PSME4: variants seen among roughly 807,000 people sequenced by gnomAD.
PSME4 encodes proteasome activator complex subunit 4.
In PSME4, 89 loss-of-function variants were observed where a neutral mutation model predicts 253.9. The observed-to-expected ratio is 0.35, with a 90% CI of 0.30 to 0.42. The LOEUF (loss-of-function observed/expected upper bound fraction) is 0.42. Among genes scored for constraint, PSME4 ranks in the 10% least tolerant of loss-of-function variants. PSME4 has a pLI of 1.00. For synonymous variants in PSME4, 851 were observed against 759.2 expected, an observed-to-expected ratio of 1.12 and a Z score of -1.99; for missense variants, 2,014 against 2,195.2, an observed-to-expected ratio of 0.92 and a Z score of 1.65.
At chr2:53,943,620 C>T (rs1669557839) in intron 3 of PSME4, among the ~76,000 whole-genome samples, 1 of 152,042 alleles carries the variant, frequency 6.6e-6, no homozygotes, top group Non-Finnish European at 1.5e-5. Context: ...GCGGGTGGAT[C>T]ACGTGAGGTC....
rs1678558314 is a variant in PSME4, at chr2:53,866,233, A to G, written c.5398-10T>C. The stretch of plus-strand genomic sequence containing the variant: ...TTTTTTTTACAGTCATCTGTAAAGT[A>G]GACAACCCACATACGTTTTAACCTC... On this transcript the variant is annotated splice_polypyrimidine_tract_variant and intron_variant, in intron 45 of 46. Coordinates refer to ENST00000404125, the MANE Select transcript of PSME4 (RefSeq NM_014614.3). 1 of 1,613,596 alleles carries G rather than the reference A, an allele frequency of 6.2e-7. No individual in the cohort carries two copies. The highest frequency in any genetic ancestry group is 8.5e-7 in the Non-Finnish European group (1 of 1,179,798).
chr2:53,874,248 T>C (rs975553114), intron 43 of PSME4, 91 bp downstream of exon 43: 12 of 1,292,902 alleles, frequency 9.3e-6, no homozygotes, highest in South Asian at 8.4e-5. Context: ...ATATAAACAA[T>C]TGCACCTGGC....
At chr2:53,869,569 A>C in intron 43 of PSME4, 31 bp from the exon 44 acceptor site, 1 of 1,448,244 alleles carries the variant, frequency 6.9e-7, no homozygotes, top group Non-Finnish European at 9.3e-7. Context: ...ATTAGGACTG[A>C]CATTCTAAGT....
intron 1 of PSME4, among the ~76,000 whole-genome samples, chr2:53,957,428 G>A (rs1409746219): frequency 6.6e-6 from 1 of 152,186 alleles, no homozygotes; most frequent in Non-Finnish European, 1.5e-5. Context: ...ATGGGAGACA[G>A]TGACAGATCA....
chr2:53,922,416 C>G (rs1033613175), intron 17 of PSME4, 101 bp downstream of exon 17: 15 of 1,275,034 alleles, frequency 1.2e-5, no homozygotes, highest in Non-Finnish European at 1.7e-5. Context: ...AAAACTCTGA[C>G]TTTTCATATG....
At chr2:53,942,644 T>C (rs375254831) in intron 3 of PSME4, among the ~76,000 whole-genome samples, 2 of 152,290 alleles carry the variant, frequency 1.3e-5, no homozygotes, top group South Asian at 2.1e-4. Flanking sequence ...AGATAAGGTA[T>C]AGAAAGCAGG....
intron 37 of PSME4, among the ~76,000 whole-genome samples, chr2:53,889,682 G>A (rs550620040): frequency 4.6e-5 from 7 of 152,280 alleles, no homozygotes; most frequent in African/African-American, 1.7e-4. Flanking sequence ...CAAAGTACAC[G>A]AGCTATGGAC....
At chr2:53,964,296 A>G (rs1240485938) in intron 1 of PSME4, among the ~76,000 whole-genome samples, 1 of 152,234 alleles carries the variant, frequency 6.6e-6, no homozygotes, top group African/African-American at 2.4e-5. Flanking sequence ...TTTCCATTCA[A>G]TTTTGCTGTG....
intron 34 of PSME4, 68 bp from the exon 35 acceptor site, chr2:53,893,867 T>G (rs890431975): frequency 7.4e-6 from 11 of 1,485,352 alleles, no homozygotes; most frequent in Non-Finnish European, 9.8e-6. Flanking sequence ...TCTGAAAAAG[T>G]TAAAATTACA....
chr2:53,890,469 G>A (rs1174534262), intron 36 of PSME4, among the ~76,000 whole-genome samples: 1 of 152,118 alleles, frequency 6.6e-6, no homozygotes, highest in African/African-American at 2.4e-5. Flanking sequence ...ACTATGCCCT[G>A]AAATATTTTT....
chr2:53,943,885 T>C (rs1030599416), intron 3 of PSME4, among the ~76,000 whole-genome samples: 1 of 149,216 alleles, frequency 6.7e-6, no homozygotes, highest in African/African-American at 2.5e-5. Flanking sequence ...ATAATAAGTA[T>C]AGCATTTTCC....
At chr2:53,922,854 T>C (rs1181917078) in intron 16 of PSME4, among the ~76,000 whole-genome samples, 195 bp downstream of exon 16, 1 of 152,218 alleles carries the variant, frequency 6.6e-6, no homozygotes, top group Admixed American at 6.5e-5. Context: ...GGTGGTTGTA[T>C]AAGAATATTA....
intron 41 of PSME4, among the ~76,000 whole-genome samples, chr2:53,879,467 G>A (rs560435674): frequency 1.3e-5 from 2 of 152,282 alleles, no homozygotes; most frequent in South Asian, 4.1e-4. Flanking sequence ...ACTTAGAGCA[G>A]TGACTTTTAA....
At chr2:53,927,966 T>C in intron 11 of PSME4, 151 bp downstream of exon 11, 5 of 615,060 alleles carry the variant, frequency 8.1e-6, no homozygotes, top group South Asian at 3.2e-5. Flanking sequence ...AATAAATAAA[T>C]AAACAACTGT....
rs183190432 is a variant in PSME4 at position 53,906,849 on chromosome 2, T to C, written c.2804A>G (p.His935Arg). ...TCTATCAATCAACAGTGCTCTGATATGTTGTTTTTTCCCATGGAGCTGGAA... is the reference window on the plus strand; with the variant it reads ...TCTATCAATCAACAGTGCTCTGATACGTTGTTTTTTCCCATGGAGCTGGAA... Reference protein sequence around the residue: ...MENRLHGKKQHIRALLIDRVM... With the variant: ...MENRLHGKKQRIRALLIDRVM... Residue 935 changes from histidine (H) to arginine (R), a missense_variant, in exon 25 of 47, where the codon CAT becomes CGT. Physicochemically the swap from His to Arg is conservative, Grantham distance 29. Around this residue, in one of 4 missense-constraint regions of PSME4, gnomAD observed 989 missense variants for 1,021.1 expected, o/e 0.97. Transcript: ENST00000404125. 1.6e-5 allele frequency: 26 copies of C among 1,613,600 alleles called. No homozygotes were observed. The Admixed American group carries it at 3.2e-4, about 20-fold the overall frequency.
At position 53,936,030 on chromosome 2, in the gene PSME4, A is replaced by T. The variant is rs557632572; in HGVS notation, c.834+57T>A. The T allele has an allele frequency of 5.7e-6, 9 of 1,566,558 alleles. No homozygotes were observed. In the African/African-American group the frequency reaches 1.1e-4, roughly 19 times the overall value. Reference sequence around the variant, plus strand: ...TGCCTCAGCCACCCGAGCAGCTGGGATTACAGGCGCCTACCACCCCATGCC... The same window carrying T: ...TGCCTCAGCCACCCGAGCAGCTGGGTTTACAGGCGCCTACCACCCCATGCC... On this transcript the variant is annotated intron_variant, in intron 7 of 46. Coordinates refer to ENST00000404125, the MANE Select transcript of PSME4 (RefSeq NM_014614.3).
intron 1 of PSME4, among the ~76,000 whole-genome samples, chr2:53,951,644 G>A (rs767903319): frequency 3.3e-5 from 5 of 152,104 alleles, no homozygotes; most frequent in East Asian, 3.8e-4. Context: ...CCGAAAATCC[G>A]AAACCCTCCA....
rs1302448356 is a variant in PSME4, at chr2:53,893,680, G to C, written c.4032C>G (p.Leu1344=). 3 of 1,609,836 alleles carry C rather than the reference G, an allele frequency of 1.9e-6. No individual in the cohort carries two copies. The highest frequency in any genetic ancestry group is 2.5e-6 in the Non-Finnish European group (3 of 1,177,704). ...KDKFNPRRFC[L]FKGIFRNFDD... is the part of the protein sequence containing the mutation. ...ATGTAAACAATATAGTTACCTTAAAGAGGCAAAAACGTCGTGGATTAAACT... is the reference window on the plus strand; with the variant it reads ...ATGTAAACAATATAGTTACCTTAAACAGGCAAAAACGTCGTGGATTAAACT... Residue 1344 remains leucine, a synonymous_variant, in exon 35 of 47, where the codon CTC becomes CTG. Coordinates refer to ENST00000404125, the MANE Select transcript of PSME4 (RefSeq NM_014614.3).
chr2:53,902,044 G>A (rs1680425441), intron 27 of PSME4, among the ~76,000 whole-genome samples: 1 of 150,316 alleles, frequency 6.7e-6, no homozygotes, highest in Non-Finnish European at 1.5e-5. Context: ...TCCAGCTTAG[G>A]TGACACAGCA....
Sources: gnomAD v4.1 joint callset for allele counts (sites outside exome capture counted in the v4.1 genomes callset) on GRCh38, gnomAD v4.1.1 for gene constraint, gnomAD v4.1.1 regional missense constraint, MANE v1.5 for transcripts, NCBI Gene and HGNC (gene_info 2026-07-23, HGNC 2026-07-21) for gene names.